GALNT13: variants seen among roughly 807,000 people sequenced by gnomAD.
The protein encoded by GALNT13 is UDP-GalNAc:polypeptide N-acetylgalactosaminyltransferase 13.
In GALNT13, 28 loss-of-function variants were observed where a neutral mutation model predicts 64.2. That is an observed-to-expected ratio of 0.44 (90% confidence interval 0.32 to 0.60). The LOEUF (loss-of-function observed/expected upper bound fraction) is 0.60, where lower values mean the gene tolerates loss of function less well. GALNT13 is among the 20% of genes least tolerant of loss of function. The pLI is 0.05. For missense variants in GALNT13, 577 were observed against 669.8 expected, an observed-to-expected ratio of 0.86 and a Z score of 1.53; for synonymous variants, 214 against 224.6, an observed-to-expected ratio of 0.95 and a Z score of 0.42.
chr2:153,339,581 A>AT, the GALNT13 span, among the ~76,000 whole-genome samples: 1 of 152,028 alleles, frequency 6.6e-6, no homozygotes, highest in African/African-American at 2.4e-5. Flanking sequence ...TACTCCGTTG[A>AT]TTGTTTTCAT....
At chr2:153,831,436 C>G in the GALNT13 span, among the ~76,000 whole-genome samples, 1 of 152,134 alleles carries the variant, frequency 6.6e-6, no homozygotes, top group Non-Finnish European at 1.5e-5. Flanking sequence ...GAATTGTGCT[C>G]TTCTCTTCCC....
intron 3 of GALNT13, among the ~76,000 whole-genome samples, chr2:154,041,625 T>C (rs1698981913): frequency 7.1e-6 from 1 of 140,782 alleles, no homozygotes; most frequent in Non-Finnish European, 1.6e-5. Flanking sequence ...TCCTTCAGCA[T>C]AGGGCATTCT....
At chr2:154,181,898 TTC>T (rs529013172) in intron 4 of GALNT13, among the ~76,000 whole-genome samples, 11 of 152,164 alleles carry the variant, frequency 7.2e-5, no homozygotes, top group East Asian at 3.9e-4. Context: ...TTATTAGATT[TTC>T]TCTCTCTTTT....
the GALNT13 span, among the ~76,000 whole-genome samples, chr2:153,095,806 A>G: frequency 1.3e-5 from 2 of 151,800 alleles, no homozygotes; most frequent in African/African-American, 4.8e-5. Context: ...CAAACACTGG[A>G]TGTTCTCACT....
chr2:153,827,989 A>G, the GALNT13 span, among the ~76,000 whole-genome samples: 497 of 152,338 alleles, frequency 3.3e-3, 4 homozygotes, highest in African/African-American at 0.011. Context: ...GGGCAGTCAA[A>G]TCTTAAATCT....
At chr2:154,221,170 T>G (rs1162601873) in intron 4 of GALNT13, among the ~76,000 whole-genome samples, 1 of 152,056 alleles carries the variant, frequency 6.6e-6, no homozygotes, top group African/African-American at 2.4e-5. Flanking sequence ...AACTTAGCTT[T>G]CTTGAATACA....
intron 3 of GALNT13, among the ~76,000 whole-genome samples, chr2:153,991,916 C>A (rs189751182): frequency 6.6e-6 from 1 of 152,196 alleles, no homozygotes; most frequent in Non-Finnish European, 1.5e-5. Flanking sequence ...TTACTAAGGA[C>A]AAGCTTGTAC....
At chr2:154,423,832 A>G (rs1279020495) in intron 11 of GALNT13, among the ~76,000 whole-genome samples, 1 of 152,152 alleles carries the variant, frequency 6.6e-6, no homozygotes, top group Non-Finnish European at 1.5e-5. Flanking sequence ...CAACTTTACA[A>G]TGGAGAAATA....
chr2:154,333,916 G>C (rs1050272130), intron 9 of GALNT13, among the ~76,000 whole-genome samples: 1 of 151,946 alleles, frequency 6.6e-6, no homozygotes, highest in African/African-American at 2.4e-5. Flanking sequence ...TCTTTGCTTG[G>C]ATACTAATCG....
the GALNT13 span, among the ~76,000 whole-genome samples, chr2:153,602,079 G>A: frequency 2.0e-5 from 3 of 151,800 alleles, no homozygotes; most frequent in Admixed American, 1.3e-4. Flanking sequence ...ATAGGGAAAG[G>A]CAAAGAGCAA....
chr2:154,282,657 C>T (rs1343403102), intron 8 of GALNT13, among the ~76,000 whole-genome samples: 4 of 152,030 alleles, frequency 2.6e-5, no homozygotes. Flanking sequence ...TGCAGCTTTC[C>T]AATTTTAAAT....
chr2:154,375,420 G>A (rs901069680), intron 9 of GALNT13, among the ~76,000 whole-genome samples: 6 of 152,112 alleles, frequency 3.9e-5, no homozygotes, highest in African/African-American at 1.4e-4. Context: ...AAAACCCTGG[G>A]CTACTTTCCT....
chr2:154,174,425 G>A (rs1459101354), intron 4 of GALNT13, among the ~76,000 whole-genome samples: 1 of 152,136 alleles, frequency 6.6e-6, no homozygotes, highest in Admixed American at 6.6e-5. Flanking sequence ...ACTCTGGGGT[G>A]TACAGGGTAA....
the GALNT13 span, among the ~76,000 whole-genome samples, chr2:153,747,697 G>T: frequency 6.6e-6 from 1 of 151,978 alleles, no homozygotes. Flanking sequence ...AAAGTGCTGG[G>T]ATTACAGACG....
the GALNT13 span, among the ~76,000 whole-genome samples, chr2:153,271,516 A>G: frequency 2.4e-4 from 36 of 152,370 alleles, no homozygotes; most frequent in Admixed American, 3.9e-4. Context: ...CACATTCACA[A>G]TTGCTACAAA....
the GALNT13 span, among the ~76,000 whole-genome samples, chr2:153,254,403 T>A: frequency 6.6e-6 from 1 of 152,202 alleles, no homozygotes; most frequent in African/African-American, 2.4e-5. Flanking sequence ...ATTTTGTAGA[T>A]CCTTTCAAAA....
At chr2:154,166,539 C>T (rs1177361631) in intron 4 of GALNT13, among the ~76,000 whole-genome samples, 1 of 152,208 alleles carries the variant, frequency 6.6e-6, no homozygotes, top group Admixed American at 6.5e-5. Flanking sequence ...GGACAGTAAA[C>T]TAGTTCAACC....
chr2:153,233,225 A>G, the GALNT13 span, among the ~76,000 whole-genome samples: 3 of 152,178 alleles, frequency 2.0e-5, no homozygotes, highest in Admixed American at 1.3e-4. Context: ...AGAAGTTGGC[A>G]TGGTTCTTAC....
At chr2:154,299,455 C>CTTT (rs1188035624) in intron 8 of GALNT13, among the ~76,000 whole-genome samples, 9 of 131,542 alleles carry the variant, frequency 6.8e-5, no homozygotes, top group Admixed American at 1.6e-4. Context: ...CAATGAAATA[C>CTTT]TTTTTTTTTT....
Sources: allele counts gnomAD v4.1 joint callset (sites outside exome capture counted in the v4.1 genomes callset), GRCh38; gene constraint gnomAD v4.1.1; transcripts MANE v1.5; gene names NCBI Gene and HGNC (gene_info 2026-07-23, HGNC 2026-07-21).